The following NKAIN2 variants were observed in gnomAD, a reference collection of about 807,000 sequenced individuals.
NKAIN2 encodes the protein sodium/potassium transporting ATPase interacting 2.
A neutral mutation model predicts 32.6 loss-of-function variants in NKAIN2; 14 were observed. That is an observed-to-expected ratio of 0.43 (90% CI 0.28 to 0.67). NKAIN2 has a LOEUF of 0.67. Ranked by LOEUF, NKAIN2 falls within the 30% of genes least tolerant of loss-of-function variation. The probability of loss-of-function intolerance (pLI) is 0.17; values close to 1 mark genes in which losing one functional copy is unlikely to be tolerated. For synonymous variants in NKAIN2, 80 were observed against 87.2 expected, an observed-to-expected ratio of 0.92 and a Z score of 0.46; for missense variants, 198 against 258.3, an observed-to-expected ratio of 0.77 and a Z score of 1.60.
At chr6:124,582,753 C>T (rs1282615333) in intron 3 of NKAIN2, among the ~76,000 whole-genome samples, 1 of 152,082 alleles carries the variant, frequency 6.6e-6, no homozygotes, top group Admixed American at 6.6e-5. Flanking sequence ...TTCAATAACA[C>T]ATTAAGCAAA....
intron 1 of NKAIN2, among the ~76,000 whole-genome samples, chr6:124,277,602 T>C (rs1300649265): frequency 1.3e-5 from 2 of 152,162 alleles, no homozygotes; most frequent in Admixed American, 1.3e-4. Context: ...ACAAGTTTGT[T>C]AGTTCCTTGA....
At chr6:124,113,413 C>A (rs904388949) in intron 1 of NKAIN2, among the ~76,000 whole-genome samples, 2 of 152,102 alleles carry the variant, frequency 1.3e-5, no homozygotes, top group Non-Finnish European at 2.9e-5. Flanking sequence ...CAGATCAACT[C>A]TTTCCTTTCC....
intron 1 of NKAIN2, among the ~76,000 whole-genome samples, chr6:124,086,184 C>A (rs1784182826): frequency 6.6e-6 from 1 of 151,950 alleles, no homozygotes; most frequent in South Asian, 2.1e-4. Context: ...TGTTGCCTTA[C>A]CCCTCTCCAG....
chr6:124,452,176 CAG>C (rs1159764735), intron 3 of NKAIN2, among the ~76,000 whole-genome samples: 1 of 141,370 alleles, frequency 7.1e-6, no homozygotes, highest in Non-Finnish European at 1.5e-5. Flanking sequence ...GCCTGGGTGA[CAG>C]AGCAAGACAT....
chr6:124,732,526 G>A (rs973184707), intron 4 of NKAIN2, among the ~76,000 whole-genome samples: 2 of 151,982 alleles, frequency 1.3e-5, no homozygotes, highest in Admixed American at 1.3e-4. Flanking sequence ...ACCTAGCTAG[G>A]TTTATATCAT....
At chr6:124,643,762 A>G (rs1233324541) in intron 3 of NKAIN2, among the ~76,000 whole-genome samples, 1 of 152,206 alleles carries the variant, frequency 6.6e-6, no homozygotes, top group Non-Finnish European at 1.5e-5. Flanking sequence ...GAAGTTATCC[A>G]TTTTTAATAT....
Position 124,732,397 on chromosome 6 carries a change from C to G in NKAIN2, c.475-58942C>G, listed in dbSNP as rs144793570. ...GTTAGCAAAGGCTAAGGCTAAGAGG[C>G]AAATAAGGACAGAAGTTAGGTCACA... On this transcript the variant is annotated intron_variant, in intron 4 of 6. Transcript: ENST00000368417. Among the ~76,000 whole-genome samples the G allele has an allele frequency of 5.2e-3, 792 of 152,052 alleles. 12 individuals are homozygous for G. The highest frequency in any genetic ancestry group is 0.018 in the African/African-American group (758 of 41,496).
chr6:124,350,925 G>T (rs1798696636), intron 2 of NKAIN2, among the ~76,000 whole-genome samples: 1 of 152,082 alleles, frequency 6.6e-6, no homozygotes, highest in Admixed American at 6.5e-5. Flanking sequence ...GGAATTCAAG[G>T]CTGCAGTGAG....
chr6:124,272,084 G>A lies in NKAIN2; in HGVS notation c.55-10921G>A, dbSNP rs73563798. On this transcript the variant is annotated intron_variant, in intron 1 of 6. Transcript: ENST00000368417. ...GAGCATAAAAATTCAAAAATTTGCA[G>A]CCTGATAATGCAGTATGAAGGAAAA... Among the ~76,000 whole-genome samples, 307 of 152,292 alleles carry A rather than the reference G, an allele frequency of 2.0e-3. 3 individuals are homozygous for A. The highest frequency in any genetic ancestry group is 7.2e-3 in the African/African-American group (298 of 41,566).
intron 1 of NKAIN2, among the ~76,000 whole-genome samples, chr6:124,097,028 T>C (rs2114939596): frequency 6.6e-6 from 1 of 152,280 alleles, no homozygotes; most frequent in African/African-American, 2.4e-5. Flanking sequence ...GAAAGCACAT[T>C]TTGTTTTGCT....
At chr6:123,884,382 A>C (rs958581766) in intron 1 of NKAIN2, among the ~76,000 whole-genome samples, 2 of 152,230 alleles carry the variant, frequency 1.3e-5, no homozygotes, top group African/African-American at 4.8e-5. Flanking sequence ...AGACTAACAC[A>C]CACACATTTT....
At chr6:124,665,211 C>G (rs544240657) in intron 4 of NKAIN2, among the ~76,000 whole-genome samples, 1 of 152,066 alleles carries the variant, frequency 6.6e-6, no homozygotes, top group Non-Finnish European at 1.5e-5. Flanking sequence ...TCAAAACAAT[C>G]TTGTGAAAGA....
intron 1 of NKAIN2, among the ~76,000 whole-genome samples, chr6:124,038,489 A>T (rs1781709503): frequency 6.6e-6 from 1 of 152,142 alleles, no homozygotes; most frequent in African/African-American, 2.4e-5. Context: ...CTGGGATTAC[A>T]GGCGTGAGCC....
At chr6:123,928,913 C>T (rs1184368024) in intron 1 of NKAIN2, among the ~76,000 whole-genome samples, 1 of 152,060 alleles carries the variant, frequency 6.6e-6, no homozygotes, top group African/African-American at 2.4e-5. Flanking sequence ...CAATAGAATT[C>T]TGTACAGTTA....
chr6:124,297,417 A>T (rs1344329397), intron 2 of NKAIN2, among the ~76,000 whole-genome samples: 1 of 152,178 alleles, frequency 6.6e-6, no homozygotes, highest in East Asian at 1.9e-4. Context: ...CATTATAAAG[A>T]TCTTTATGTT....
chr6:124,757,838 T>C (rs527930750), intron 4 of NKAIN2, among the ~76,000 whole-genome samples: 1 of 152,288 alleles, frequency 6.6e-6, no homozygotes, highest in East Asian at 1.9e-4. Flanking sequence ...CAGAATGGGC[T>C]CAAATAGGAA....
intron 4 of NKAIN2, among the ~76,000 whole-genome samples, chr6:124,729,693 T>C (rs1224578843): frequency 1.3e-5 from 2 of 150,544 alleles, no homozygotes; most frequent in Admixed American, 1.3e-4. Flanking sequence ...AACATAGTGT[T>C]GGAAGTTCTG....
intron 1 of NKAIN2, among the ~76,000 whole-genome samples, chr6:124,097,260 C>T (rs111451507): frequency 0.017 from 2,658 of 152,000 alleles, 75 homozygotes; most frequent in African/African-American, 0.061. Flanking sequence ...ATTAGCCGGG[C>T]ATGGTGGCGG....
intron 1 of NKAIN2, among the ~76,000 whole-genome samples, chr6:123,926,386 T>G (rs948644434): frequency 4.6e-5 from 7 of 152,266 alleles, no homozygotes; most frequent in African/African-American, 1.7e-4. Flanking sequence ...AACCTAAGTC[T>G]TCACTTCTGC....
Sources: gnomAD v4.1 joint callset for allele counts (sites outside exome capture counted in the v4.1 genomes callset) on GRCh38, gnomAD v4.1.1 for gene constraint, MANE v1.5 for transcripts, NCBI Gene and HGNC (gene_info 2026-07-23, HGNC 2026-07-21) for gene names.